The following SUCO variants were observed in gnomAD, a reference collection of about 807,000 sequenced individuals.
SUCO encodes SUN domain-containing ossification factor.
A neutral mutation model predicts 148.1 loss-of-function variants in SUCO; 57 were observed. The ratio of observed to expected loss-of-function variants is 0.38; its 90% CI spans 0.31 to 0.48. SUCO has a LOEUF of 0.48. Among genes scored for constraint, SUCO ranks in the 20% least tolerant of loss-of-function variants. SUCO has a pLI of 0.96. For missense variants in SUCO, 1,331 were observed against 1,468.2 expected (o/e 0.91, Z 1.53); for synonymous variants, 470 against 502.7 (o/e 0.93, Z 0.87).
chr1:172,591,694 G>C (rs1446001231), intron 19 of SUCO, among the ~76,000 whole-genome samples: 1 of 151,910 alleles, frequency 6.6e-6, no homozygotes, highest in Admixed American at 6.6e-5. Context: ...GGACATTTGG[G>C]TTGGTTCCAA....
chr1:172,593,293 C>A (rs1372854595), intron 19 of SUCO, among the ~76,000 whole-genome samples: 1 of 152,158 alleles, frequency 6.6e-6, no homozygotes, highest in African/African-American at 2.4e-5. Context: ...TTGCCCTGGG[C>A]AGAACTTCCA....
chr1:172,585,887 G>A lies in SUCO; in HGVS notation c.1597G>A (p.Ala533Thr). The part of the protein sequence containing the change: ...GNKSISENAT[A>T]TAAPKMPEST... The stretch of plus-strand genomic sequence containing the variant: ...TAAAAGTATATCTGAGAATGCCACT[G>A]CCACAGCTGCACCTAAAATGCCTGA... The change falls in exon 17 of 24, where the codon GCC becomes ACC. Residue 533 changes from alanine to threonine, a missense_variant. Around this residue, in one of 3 missense-constraint regions of SUCO, gnomAD observed 992 missense variants for 1,093.5 expected, o/e 0.91. Transcript: ENST00000263688. The A allele has an allele frequency of 6.2e-7, 1 of 1,610,260 alleles. No homozygotes were observed. Among genetic ancestry groups the A allele is most frequent in the Non-Finnish European group, 8.5e-7 (1 of 1,178,114 alleles).
intron 7 of SUCO, 61 bp downstream of exon 7, chr1:172,569,203 CT>C: frequency 7.8e-7 from 1 of 1,288,744 alleles, no homozygotes; most frequent in Non-Finnish European, 1.0e-6. Context: ...GTTTAATATG[CT>C]TTCTTTTTTT....
intron 14 of SUCO, 142 bp from the exon 15 acceptor site, chr1:172,579,060 C>A: frequency 1.8e-6 from 1 of 544,072 alleles, no homozygotes; most frequent in Non-Finnish European, 3.3e-6. Context: ...TTTTTGTGAA[C>A]ATGTTTTAGA....
rs1041518106 is a variant in SUCO, at chr1:172,588,387, G to A, written c.1659-373G>A. 1.7e-5 allele frequency: 17 copies of A among 985,110 alleles called. No individual in the cohort carries two copies. The African/African-American group carries it at 3.0e-4, about 17-fold the overall frequency. 61.0% of individuals were successfully genotyped at this position (985,110 alleles called of 1,614,324 possible). On this transcript the variant is annotated intron_variant, in intron 17 of 23. Coordinates refer to ENST00000263688, the MANE Select transcript of SUCO (RefSeq NM_014283.5). The stretch of plus-strand genomic sequence containing the variant: ...TCTTAGTTGGCTTAATTTCTGATGT[G>A]TAAGGGATAGTGAAGCTTGTAAAGA...
intron 11 of SUCO, among the ~76,000 whole-genome samples, chr1:172,575,911 A>G (rs1022049795): frequency 2.0e-5 from 3 of 151,868 alleles, no homozygotes; most frequent in Non-Finnish European, 3.0e-5. Context: ...TGTCATCTTC[A>G]TAGTATATTT....
At chr1:172,538,919 G>A (rs1229591594) in intron 1 of SUCO, among the ~76,000 whole-genome samples, 1 of 152,142 alleles carries the variant, frequency 6.6e-6, no homozygotes, top group Non-Finnish European at 1.5e-5. Context: ...CATAACACTT[G>A]AACACTGTGT....
At chr1:172,542,611 G>A (rs773905480) in intron 1 of SUCO, 45 of 321,446 alleles carry the variant, frequency 1.4e-4, no homozygotes, top group Non-Finnish European at 1.3e-4. Flanking sequence ...CACACGCGAG[G>A]GATCTAGGTT....
intron 6 of SUCO, among the ~76,000 whole-genome samples, chr1:172,564,459 C>T (rs564545884): frequency 8.3e-4 from 127 of 152,132 alleles, no homozygotes; most frequent in African/African-American, 2.9e-3. Context: ...AAGTGTGTTG[C>T]ACTTCCCCCT....
chr1:172,589,469 C>T lies in SUCO; in HGVS notation c.2368C>T (p.Pro790Ser). ...TGAGAGCTTTAGTTCTATAGAGAAA[C>T]CATCTATTACCTATGAAACAAATAA... ...KSESFSSIEK[P>S]SITYETNKVN... The change falls in exon 18 of 24, where the codon CCA becomes TCA. Residue 790 changes from proline to serine, a missense_variant. Pro to Ser is a moderately conservative substitution (Grantham distance 74, BLOSUM62 -1). Coordinates refer to ENST00000263688, the MANE Select transcript of SUCO (RefSeq NM_014283.5). The T allele has an allele frequency of 6.2e-7, 1 of 1,610,304 alleles. No homozygotes were observed. The highest frequency in any genetic ancestry group is 8.5e-7 in the Non-Finnish European group (1 of 1,178,540).
Position 172,557,514 on chromosome 1 carries a change from T to A in SUCO, c.581+97T>A, listed in dbSNP as rs544278293. Reference sequence around the variant, plus strand: ...GGTGTATGTTAAATTCCACTTTGATTGAGAGAAAGCTGATCTCTTTGTGTT... The same window carrying A: ...GGTGTATGTTAAATTCCACTTTGATAGAGAGAAAGCTGATCTCTTTGTGTT... On this transcript the variant is annotated intron_variant, in intron 5 of 23. Coordinates refer to ENST00000263688, the MANE Select transcript of SUCO (RefSeq NM_014283.5). 74 of 1,528,084 alleles carry A rather than the reference T, an allele frequency of 4.8e-5. No homozygotes were observed. The African/African-American group carries it at 1.0e-3, about 21-fold the overall frequency. The allele number at this position is 1,528,084 out of a possible 1,614,324, so 94.7% of individuals were successfully genotyped here. A position where few individuals can be genotyped will look rare whatever the true frequency, so the allele number is the denominator to read the frequency against.
At chr1:172,603,026 G>A (rs982075497) in intron 22 of SUCO, 3 of 432,764 alleles carry the variant, frequency 6.9e-6, no homozygotes, top group African/African-American at 6.1e-5. Context: ...AGCTTTGTTT[G>A]CACATGCTCC....
intron 2 of SUCO, chr1:172,552,529 A>G (rs1397103396): frequency 1.8e-6 from 1 of 560,276 alleles, no homozygotes; most frequent in African/African-American, 2.0e-5. Flanking sequence ...ATCAACACAT[A>G]CTTACAATTA....
intron 1 of SUCO, among the ~76,000 whole-genome samples, chr1:172,547,551 G>C (rs541645084): frequency 1.3e-5 from 2 of 152,234 alleles, no homozygotes; most frequent in African/African-American, 2.4e-5. Flanking sequence ...TGGTCATCAT[G>C]ATACATCAGA....
Position 172,610,924 on chromosome 1 carries a change from C to G in SUCO, c.*665C>G, listed in dbSNP as rs1017449591. 6.6e-5 allele frequency: 10 copies of G among 152,478 alleles called. No individual in the cohort carries two copies. Among genetic ancestry groups the G allele is most frequent in the African/African-American group, 2.2e-4 (9 of 41,440 alleles). The allele number at this position is 152,478 out of a possible 1,614,324, so 9.4% of individuals were successfully genotyped here. A position where few individuals can be genotyped will look rare whatever the true frequency, so the allele number is the denominator to read the frequency against. ...CTTATTCAGACTGGATTACTTCTTA[C>G]TTAGTTACTAACTCAATGAGGAAAA... is the stretch of plus-strand genomic sequence containing the variant. On this transcript the variant is annotated 3_prime_UTR_variant, in exon 24 of 24. Transcript: ENST00000263688.
At chr1:172,542,643 A>T (rs1371763393) in intron 1 of SUCO, 2 of 696,278 alleles carry the variant, frequency 2.9e-6, no homozygotes, top group Non-Finnish European at 3.5e-6. Flanking sequence ...ATGAGAATCT[A>T]ATGGCCCCCC....
At position 172,599,285 on chromosome 1, in the gene SUCO, C is replaced by T. The variant is rs568034908; in HGVS notation, c.2914-779C>T. On this transcript the variant is annotated intron_variant, in intron 19 of 23. Transcript: ENST00000263688. ...CGGAGCTTGCAGTGAGCTGAGATTG[C>T]GCCACTGCACTCCAGCCTGGGCGAC... The T allele has an allele frequency of 7.0e-3, 1,191 of 170,546 alleles. 5 individuals carry two copies. The highest frequency in any genetic ancestry group is 0.01 in the Non-Finnish European group (854 of 84,924). 10.6% of individuals were successfully genotyped at this position (170,546 alleles called of 1,614,324 possible).
intron 9 of SUCO, 56 bp from the exon 10 acceptor site, chr1:172,573,835 T>A: frequency 1.0e-6 from 1 of 960,606 alleles, no homozygotes; most frequent in Non-Finnish European, 1.6e-6. Context: ...ATGTCATATT[T>A]AATATGAACT....
chr1:172,547,717 G>A (rs750383467), intron 1 of SUCO, among the ~76,000 whole-genome samples: 1 of 152,148 alleles, frequency 6.6e-6, no homozygotes, highest in Admixed American at 6.5e-5. Flanking sequence ...ATTTAATTCT[G>A]TACTGGAGAA....
Sources: allele counts gnomAD v4.1 joint callset (sites outside exome capture counted in the v4.1 genomes callset), GRCh38; gene constraint gnomAD v4.1.1; regional missense constraint gnomAD v4.1.1; transcripts MANE v1.5; gene names NCBI Gene and HGNC (gene_info 2026-07-23, HGNC 2026-07-21).